LARS2: variants seen among roughly 807,000 people sequenced by gnomAD.
LARS2 encodes leucyl-tRNA synthetase 2, mitochondrial, also known as leucine--tRNA ligase, mitochondrial.
Under a neutral mutation model 116.6 loss-of-function variants are expected in LARS2, and 81 were observed. The ratio of observed to expected loss-of-function variants is 0.69; its 90% CI spans 0.58 to 0.84. The LOEUF is 0.84. Ranked by LOEUF, LARS2 falls within the 40% of genes least tolerant of loss-of-function variation. The pLI is 0.00. For missense variants in LARS2, 968 were observed against 1,114.5 expected, an observed-to-expected ratio of 0.87 and a Z score of 1.87; for synonymous variants, 396 against 407.2, an observed-to-expected ratio of 0.97 and a Z score of 0.33.
chr3:45,508,917 T>C (rs1295270710), intron 15 of LARS2, among the ~76,000 whole-genome samples: 1 of 151,778 alleles, frequency 6.6e-6, no homozygotes, highest in African/African-American at 2.4e-5. Context: ...CTTTCCTTCT[T>C]CCAAGTGGGA....
intron 15 of LARS2, among the ~76,000 whole-genome samples, chr3:45,501,560 G>T (rs181605020): frequency 6.6e-6 from 1 of 152,220 alleles, no homozygotes. Context: ...TTCCAAAATA[G>T]AACTCAGTTT....
chr3:45,394,362 G>A, intron 2 of LARS2, 71 bp from the exon 3 acceptor site: 1 of 820,640 alleles, frequency 1.2e-6, no homozygotes, highest in East Asian at 2.6e-5. Flanking sequence ...ACTGGACTGT[G>A]CCAAATGGAA....
At chr3:45,440,585 TG>T (rs1417318983) in intron 6 of LARS2, among the ~76,000 whole-genome samples, 1 of 152,118 alleles carries the variant, frequency 6.6e-6, no homozygotes, top group Non-Finnish European at 1.5e-5. Context: ...TTTTTTGTTT[TG>T]TTTTGTTTTA....
At chr3:45,494,520 C>G (rs1221836515) in intron 13 of LARS2, among the ~76,000 whole-genome samples, 1 of 152,192 alleles carries the variant, frequency 6.6e-6, no homozygotes, top group African/African-American at 2.4e-5. Context: ...AGCTTCACAT[C>G]CATGCCTTAG....
intron 8 of LARS2, among the ~76,000 whole-genome samples, chr3:45,470,535 C>T (rs1009831906): frequency 2.0e-5 from 3 of 152,114 alleles, no homozygotes; most frequent in Non-Finnish European, 4.4e-5. Flanking sequence ...TCAGACACAT[C>T]CTAGCACAAA....
intron 4 of LARS2, among the ~76,000 whole-genome samples, chr3:45,402,579 A>G (rs1698172013): frequency 2.0e-5 from 3 of 152,192 alleles, no homozygotes; most frequent in Admixed American, 2.0e-4. Flanking sequence ...ATCCATTGTC[A>G]TAACTGGTTT....
At chr3:45,496,175 T>C (rs1011014265) in intron 13 of LARS2, 100 bp from the exon 14 acceptor site, 3 of 945,116 alleles carry the variant, frequency 3.2e-6, no homozygotes, top group East Asian at 2.5e-5. Context: ...TTTATTCTTA[T>C]GACATTTTAA....
At chr3:45,443,929 G>A (rs552976833) in intron 6 of LARS2, among the ~76,000 whole-genome samples, 16 of 151,558 alleles carry the variant, frequency 1.1e-4, no homozygotes, top group Admixed American at 5.3e-4. Context: ...ATGCCCTTTC[G>A]TTACAGGTTT....
chr3:45,389,325 T>G (rs902564547), intron 1 of LARS2, among the ~76,000 whole-genome samples: 6 of 152,086 alleles, frequency 3.9e-5, no homozygotes, highest in African/African-American at 1.4e-4. Context: ...AAAACTTAGA[T>G]CATCCCACAC....
chr3:45,434,681 A>G lies in LARS2; in HGVS notation c.517-12210A>G, dbSNP rs541206079. ...CGAGATATTTGGGGATTCTTTTAAG[A>G]CTGAATTTTACTTAAACCTTATATT... On this transcript the variant is annotated intron_variant, in intron 6 of 21. Coordinates refer to ENST00000645846, the MANE Select transcript of LARS2 (RefSeq NM_015340.4). Among the ~76,000 whole-genome samples, 8 of 152,270 alleles carry G rather than the reference A, an allele frequency of 5.3e-5. No homozygotes were observed. In the East Asian group the frequency reaches 1.5e-3, roughly 29 times the overall value.
At chr3:45,417,067 C>G (rs1167152221) in intron 4 of LARS2, among the ~76,000 whole-genome samples, 1 of 125,842 alleles carries the variant, frequency 7.9e-6, no homozygotes, top group Non-Finnish European at 1.7e-5. Flanking sequence ...GTGCAAGACT[C>G]TGTCTCAAAA....
intron 21 of LARS2, among the ~76,000 whole-genome samples, chr3:45,546,910 T>G (rs922286371): frequency 5.9e-5 from 9 of 152,202 alleles, no homozygotes; most frequent in Non-Finnish European, 1.2e-4. Context: ...TTGGTCCACT[T>G]GAGACCTAGG....
intron 14 of LARS2, among the ~76,000 whole-genome samples, chr3:45,496,989 T>G (rs2125737246): frequency 6.6e-6 from 1 of 152,368 alleles, no homozygotes; most frequent in Non-Finnish European, 1.5e-5. Context: ...GTAATGTTAT[T>G]TATTTAACTG....
intron 6 of LARS2, among the ~76,000 whole-genome samples, chr3:45,436,964 T>C (rs1331183315): frequency 6.6e-6 from 1 of 152,184 alleles, no homozygotes; most frequent in African/African-American, 2.4e-5. Context: ...GGGAACAGTT[T>C]TCAGGTTACC....
intron 20 of LARS2, among the ~76,000 whole-genome samples, chr3:45,533,213 C>T (rs1040460960): frequency 8.2e-6 from 1 of 122,590 alleles, no homozygotes; most frequent in Non-Finnish European, 1.6e-5. Flanking sequence ...TGCAGTGGCG[C>T]GATCTCGGCT....
At position 45,389,338 on chromosome 3, in the gene LARS2, G is replaced by A. The variant is rs540373687; in HGVS notation, c.-88+658G>A. ...TCAAAACTTAGATCATCCCACACAC[G>A]CAGGGAAATGAATGACTCCCTTCTC... On this transcript the variant is annotated intron_variant, in intron 1 of 21. Coordinates refer to ENST00000645846, the MANE Select transcript of LARS2 (RefSeq NM_015340.4). Among the ~76,000 whole-genome samples, 7 of 152,062 alleles carry A rather than the reference G, an allele frequency of 4.6e-5. No individual in the cohort carries two copies. In the South Asian group the frequency reaches 1.5e-3, roughly 32 times the overall value.
chr3:45,493,323 T>C (rs1699955773), intron 13 of LARS2, among the ~76,000 whole-genome samples: 1 of 152,136 alleles, frequency 6.6e-6, no homozygotes, highest in Admixed American at 6.5e-5. Context: ...ATGATCTCCA[T>C]CTCCTGACCT....
intron 8 of LARS2, among the ~76,000 whole-genome samples, chr3:45,462,587 G>C (rs375819357): frequency 4.1e-4 from 63 of 152,360 alleles, no homozygotes; most frequent in South Asian, 3.1e-3. Flanking sequence ...AGGGAGACTA[G>C]GAAAGCAGGC....
chr3:45,496,911 G>A (rs541379372), intron 14 of LARS2, among the ~76,000 whole-genome samples: 1 of 152,162 alleles, frequency 6.6e-6, no homozygotes, highest in Non-Finnish European at 1.5e-5. Flanking sequence ...AATACAAAAC[G>A]GAAAAAGAAG....
Sources: allele counts gnomAD v4.1 joint callset (sites outside exome capture counted in the v4.1 genomes callset), GRCh38; gene constraint gnomAD v4.1.1; transcripts MANE v1.5; gene names NCBI Gene and HGNC (gene_info 2026-07-23, HGNC 2026-07-21).